RNFT2: variants seen among roughly 807,000 people sequenced by gnomAD.
RNFT2 encodes the protein E3 ubiquitin-protein ligase RNFT2.
Under a neutral mutation model 53.0 loss-of-function variants are expected in RNFT2, and 36 were observed. That is an observed-to-expected ratio of 0.68 (90% CI 0.52 to 0.90). The LOEUF is 0.90. RNFT2 is among the 40% of genes least tolerant of loss of function. The probability of loss-of-function intolerance (pLI) is 0.00; values close to 1 mark genes in which losing one functional copy is unlikely to be tolerated. For missense variants in RNFT2, 514 were observed against 585.6 expected (o/e 0.88, Z 1.26); for synonymous variants, 260 against 253.2 (o/e 1.03, Z -0.26).
chr12:116,790,111 A>C (rs1413276004), intron 7 of RNFT2, among the ~76,000 whole-genome samples: 1 of 152,208 alleles, frequency 6.6e-6, no homozygotes, highest in African/African-American at 2.4e-5. Context: ...CACTTCTTTC[A>C]TGAAGACACA....
At chr12:116,780,954 T>A (rs1566079165) in intron 7 of RNFT2, among the ~76,000 whole-genome samples, 1 of 152,164 alleles carries the variant, frequency 6.6e-6, no homozygotes, top group Non-Finnish European at 1.5e-5. Context: ...GACAAAAACC[T>A]AGTTTCCTCA....
chr12:116,827,232 AAAG>A (rs760162727), intron 7 of RNFT2, among the ~76,000 whole-genome samples: 1,436 of 141,328 alleles, frequency 0.01, 12 homozygotes, highest in Non-Finnish European at 0.018. Flanking sequence ...AAAAAAAAAA[AAAG>A]AAAGAAAGAA....
intron 10 of RNFT2, among the ~76,000 whole-genome samples, chr12:116,841,856 A>AT (rs1877311518): frequency 6.2e-4 from 15 of 24,118 alleles, no homozygotes; most frequent in Non-Finnish European, 1.4e-3. Context: ...AATATATATA[A>AT]AAATATATAT....
intron 7 of RNFT2, among the ~76,000 whole-genome samples, chr12:116,792,508 G>A (rs923132368): frequency 5.9e-5 from 9 of 152,106 alleles, no homozygotes; most frequent in South Asian, 2.1e-4. Context: ...CCTTTCTTGC[G>A]CCTCCGAGCT....
intron 3 of RNFT2, among the ~76,000 whole-genome samples, chr12:116,749,510 G>C (rs1872071797): frequency 6.6e-6 from 1 of 151,980 alleles, no homozygotes; most frequent in South Asian, 2.1e-4. Flanking sequence ...GAACAACTAG[G>C]CTCAAGTGAT....
chr12:116,838,845 T>C (rs1050505074), intron 10 of RNFT2, among the ~76,000 whole-genome samples: 1 of 152,204 alleles, frequency 6.6e-6, no homozygotes, highest in African/African-American at 2.4e-5. Flanking sequence ...AGACACCCAT[T>C]GTCCCAGATC....
At chr12:116,782,454 G>C (rs7299032) in intron 7 of RNFT2, among the ~76,000 whole-genome samples, 113,559 of 152,004 alleles carry the variant, frequency 0.75, 44,425 homozygotes, top group Non-Finnish European at 0.85. Flanking sequence ...TTGAGGCCAG[G>C]AGTTCCAGGC....
intron 7 of RNFT2, among the ~76,000 whole-genome samples, chr12:116,810,340 G>A (rs1386952079): frequency 1.3e-5 from 2 of 152,168 alleles, no homozygotes; most frequent in Non-Finnish European, 2.9e-5. Context: ...GCAGGAAGAG[G>A]GGACAGCCGC....
In RNFT2 at chr12:116,851,665, C is replaced by G. The variant is rs1386701383; in HGVS notation, c.*2217C>G. On this transcript the variant is annotated 3_prime_UTR_variant, in exon 11 of 11. Transcript: ENST00000257575. Reference sequence around the variant, plus strand: ...TAAGGCAGGGAGAACTGCTTGAACTCGGGAGGTGAAAGTTGCAGTGAGCCG... The same window carrying G: ...TAAGGCAGGGAGAACTGCTTGAACTGGGGAGGTGAAAGTTGCAGTGAGCCG... 2 of 636,492 alleles carry G rather than the reference C, an allele frequency of 3.1e-6. No homozygotes were observed. Among genetic ancestry groups the G allele is most frequent in the Admixed American group, 5.0e-5 (2 of 40,230 alleles). The allele number at this position is 636,492 out of a possible 1,614,324, so 39.4% of individuals were successfully genotyped here. A position where few individuals can be genotyped will look rare whatever the true frequency, so the allele number is the denominator to read the frequency against.
intron 3 of RNFT2, 106 bp downstream of exon 3, chr12:116,741,200 G>A (rs1302026781): frequency 2.4e-6 from 2 of 823,992 alleles, no homozygotes; most frequent in African/African-American, 1.7e-5. Context: ...TTAGTTGTTA[G>A]AGTCACACTG....
At chr12:116,839,251 G>C (rs1400819495) in intron 10 of RNFT2, among the ~76,000 whole-genome samples, 2 of 152,200 alleles carry the variant, frequency 1.3e-5, no homozygotes, top group Non-Finnish European at 2.9e-5. Flanking sequence ...TACCATGTCT[G>C]TCTTGTTTAG....
At chr12:116,792,558 G>C (rs1874298581) in intron 7 of RNFT2, among the ~76,000 whole-genome samples, 1 of 152,138 alleles carries the variant, frequency 6.6e-6, no homozygotes, top group Non-Finnish European at 1.5e-5. Context: ...CAACTGTCCA[G>C]CTCCCTTTTT....
chr12:116,841,884 TATATATAA>T lies in RNFT2; in HGVS notation c.1200+5604_1200+5611del, dbSNP rs1877328266. On this transcript the variant is annotated intron_variant, in intron 10 of 10. Transcript: ENST00000257575. ...ATATATATATAAATATATATATAAATATATATAAAAATATATATATATAAATATATATA... is the reference window on the plus strand; with the variant it reads ...ATATATATATAAATATATATATAAATAAATATATATATATAAATATATATA... Among the ~76,000 whole-genome samples the T allele has an allele frequency of 1.3e-4, 3 of 23,852 alleles. 1 individual carries two copies. The highest frequency in any genetic ancestry group is 7.1e-4 in the East Asian group (1 of 1,418). The allele number at this position is 23,852 out of a possible 152,430, so 15.6% of individuals were successfully genotyped here. A position where few individuals can be genotyped will look rare whatever the true frequency, so the allele number is the denominator to read the frequency against.
chr12:116,823,513 G>A (rs1318497106), intron 7 of RNFT2, among the ~76,000 whole-genome samples: 1 of 152,142 alleles, frequency 6.6e-6, no homozygotes, highest in Non-Finnish European at 1.5e-5. Flanking sequence ...GCAAAACCCT[G>A]TCTCTACTAA....
intron 7 of RNFT2, among the ~76,000 whole-genome samples, chr12:116,802,216 T>G (rs776967383): frequency 2.0e-5 from 3 of 152,234 alleles, no homozygotes; most frequent in Non-Finnish European, 4.4e-5. Context: ...TAGTAAAGGC[T>G]CTGAGAAGTC....
intron 6 of RNFT2, among the ~76,000 whole-genome samples, chr12:116,771,645 G>A (rs1220048068): frequency 6.6e-6 from 1 of 151,864 alleles, no homozygotes; most frequent in Non-Finnish European, 1.5e-5. Context: ...GTTGAGCTGT[G>A]CAGAGACAAG....
intron 6 of RNFT2, among the ~76,000 whole-genome samples, chr12:116,777,516 T>A (rs1263411309): frequency 6.6e-6 from 1 of 152,190 alleles, no homozygotes. Context: ...ACTACTCAGC[T>A]GTAGAGTATG....
At chr12:116,777,077 C>G (rs1873465547) in intron 6 of RNFT2, among the ~76,000 whole-genome samples, 1 of 151,818 alleles carries the variant, frequency 6.6e-6, no homozygotes, top group Non-Finnish European at 1.5e-5. Flanking sequence ...ACCACCATGC[C>G]CAGCTAATTT....
At chr12:116,828,130 A>G (rs570982115) in intron 7 of RNFT2, among the ~76,000 whole-genome samples, 3 of 152,254 alleles carry the variant, frequency 2.0e-5, no homozygotes, top group African/African-American at 7.2e-5. Flanking sequence ...TGGCGCTCAG[A>G]CCAGTGACCA....
Sources: gnomAD v4.1 joint callset for allele counts (sites outside exome capture counted in the v4.1 genomes callset) on GRCh38, gnomAD v4.1.1 for gene constraint, MANE v1.5 for transcripts, NCBI Gene and HGNC (gene_info 2026-07-23, HGNC 2026-07-21) for gene names.